Variants in JMJD1C observed in about 807,000 individuals in gnomAD.
The protein encoded by JMJD1C is jumonji domain containing 1C, also known as jumonji domain-containing protein 1C.
A neutral mutation model predicts 245.3 loss-of-function variants in JMJD1C; 31 were observed. The ratio of observed to expected loss-of-function variants is 0.13; its 90% CI spans 0.09 to 0.17. The LOEUF is 0.17. Among genes scored for constraint, JMJD1C ranks in the 10% least tolerant of loss-of-function variants. The pLI, the probability that JMJD1C is intolerant of heterozygous loss-of-function variation, is 1.00. For missense variants in JMJD1C, 2,691 were observed against 3,000.2 expected (o/e 0.90, Z 2.41); for synonymous variants, 1,057 against 1,017.4 (o/e 1.04, Z -0.74).
At chr10:63,183,373 G>A in intron 22 of JMJD1C, 74 bp downstream of exon 22, 2 of 1,325,876 alleles carry the variant, frequency 1.5e-6, no homozygotes, top group South Asian at 2.9e-5. Flanking sequence ...CTCAGAAGCT[G>A]ATATTCTGGA....
At chr10:63,488,748 T>C (rs1954077052) in intron 1 of JMJD1C, among the ~76,000 whole-genome samples, 1 of 152,222 alleles carries the variant, frequency 6.6e-6, no homozygotes, top group Admixed American at 6.5e-5. Context: ...TGTTATAGTA[T>C]GGCATAAAAC....
At chr10:63,413,290 C>G (rs568942452) in intron 1 of JMJD1C, among the ~76,000 whole-genome samples, 1 of 152,184 alleles carries the variant, frequency 6.6e-6, no homozygotes, top group East Asian at 1.9e-4. Flanking sequence ...TTTACCTGGT[C>G]TGCTGTTGAG....
At chr10:63,480,759 A>T (rs1953807573) in intron 1 of JMJD1C, among the ~76,000 whole-genome samples, 1 of 87,570 alleles carries the variant, frequency 1.1e-5, no homozygotes, top group South Asian at 3.2e-4. Flanking sequence ...TCACTCAGTT[A>T]AAAAAAAAAT....
chr10:63,296,694 G>T (rs1859470357), intron 2 of JMJD1C, among the ~76,000 whole-genome samples: 1 of 152,066 alleles, frequency 6.6e-6, no homozygotes, highest in South Asian at 2.1e-4. Context: ...TGCCATTTTG[G>T]GTTACAAATA....
chr10:63,346,423 C>T (rs1485362105), intron 2 of JMJD1C, among the ~76,000 whole-genome samples: 1 of 152,210 alleles, frequency 6.6e-6, no homozygotes, highest in Admixed American at 6.6e-5. Flanking sequence ...GTATGAACTG[C>T]AACCTAACTT....
At chr10:63,236,506 T>C (rs1211361359) in intron 3 of JMJD1C, among the ~76,000 whole-genome samples, 1 of 152,228 alleles carries the variant, frequency 6.6e-6, no homozygotes, top group Non-Finnish European at 1.5e-5. Flanking sequence ...GCAGTTTTTC[T>C]TTCAAGCTAT....
chr10:63,194,472 TGGC>T, intron 13 of JMJD1C, 97 bp from the exon 14 acceptor site: 1 of 785,094 alleles, frequency 1.3e-6, no homozygotes, highest in Non-Finnish European at 2.1e-6. Context: ...GTTTCATAGT[TGGC>T]TAGAGTCACA....
chr10:63,520,357 T>C (rs964663636), intron 1 of JMJD1C, among the ~76,000 whole-genome samples: 4 of 152,204 alleles, frequency 2.6e-5, no homozygotes, highest in Non-Finnish European at 1.5e-5. Context: ...TCATATTTTC[T>C]AGGACTTTAA....
At chr10:63,321,909 C>G (rs911846291) in intron 2 of JMJD1C, among the ~76,000 whole-genome samples, 5 of 152,330 alleles carry the variant, frequency 3.3e-5, no homozygotes, top group African/African-American at 1.2e-4. Context: ...CTTCCACCAA[C>G]CTAGGGGATT....
chr10:63,442,437 T>C (rs1233929784), intron 1 of JMJD1C, among the ~76,000 whole-genome samples: 1 of 152,220 alleles, frequency 6.6e-6, no homozygotes, highest in African/African-American at 2.4e-5. Flanking sequence ...TCAAGAACGA[T>C]TAAACTTATA....
At chr10:63,198,455 C>A in intron 12 of JMJD1C, 58 bp downstream of exon 12, 1 of 1,079,438 alleles carries the variant, frequency 9.3e-7, no homozygotes, top group South Asian at 1.6e-5. Context: ...AAACATAATT[C>A]AAAGAGAAAT....
intron 3 of JMJD1C, among the ~76,000 whole-genome samples, chr10:63,263,017 A>C (rs1854988187): frequency 6.6e-6 from 1 of 152,158 alleles, no homozygotes; most frequent in African/African-American, 2.4e-5. Context: ...AAACATTAAG[A>C]TTTGGAAGGT....
chr10:63,369,868 C>T (rs942615605), intron 2 of JMJD1C, among the ~76,000 whole-genome samples: 1 of 152,146 alleles, frequency 6.6e-6, no homozygotes, highest in African/African-American at 2.4e-5. Flanking sequence ...TGCCTGGAGG[C>T]TTTGGCCACT....
intron 1 of JMJD1C, among the ~76,000 whole-genome samples, chr10:63,502,405 G>A (rs982740410): frequency 2.6e-5 from 4 of 151,984 alleles, no homozygotes; most frequent in Middle Eastern, 3.2e-3. Flanking sequence ...TTGGGAGGCC[G>A]AGGCAGGTGG....
chr10:63,212,916 G>A (rs1427314690), intron 8 of JMJD1C, among the ~76,000 whole-genome samples: 13 of 150,606 alleles, frequency 8.6e-5, no homozygotes, highest in East Asian at 1.9e-4. Flanking sequence ...AGCCGGGCGC[G>A]GTGGCTCACA....
intron 3 of JMJD1C, among the ~76,000 whole-genome samples, chr10:63,236,642 A>G (rs1850766462): frequency 6.6e-6 from 1 of 152,208 alleles, no homozygotes; most frequent in African/African-American, 2.4e-5. Context: ...AAACAAACTC[A>G]GGAAGGCCTG....
chr10:63,171,648 G>A (rs1842376742), intron 24 of JMJD1C, among the ~76,000 whole-genome samples: 1 of 152,130 alleles, frequency 6.6e-6, no homozygotes, highest in Non-Finnish European at 1.5e-5. Flanking sequence ...AGCATTTCCT[G>A]GAAACTTGTC....
chr10:63,303,572 C>T (rs1483775907), intron 2 of JMJD1C, among the ~76,000 whole-genome samples: 4 of 152,166 alleles, frequency 2.6e-5, no homozygotes, highest in Non-Finnish European at 4.4e-5. Flanking sequence ...TCCCAAAGTA[C>T]TAATATTACA....
At chr10:63,225,298 T>C (rs530435554) in intron 3 of JMJD1C, among the ~76,000 whole-genome samples, 5 of 151,832 alleles carry the variant, frequency 3.3e-5, no homozygotes, top group Admixed American at 2.0e-4. Flanking sequence ...AAACGACAAA[T>C]GGAAAAAAAT....
Sources: gnomAD v4.1 joint callset for allele counts (sites outside exome capture counted in the v4.1 genomes callset) on GRCh38, gnomAD v4.1.1 for gene constraint, MANE v1.5 for transcripts, NCBI Gene and HGNC (gene_info 2026-07-23, HGNC 2026-07-21) for gene names.